IMMP2L: variants seen among roughly 807,000 people sequenced by gnomAD.
IMMP2L encodes the protein mitochondrial inner membrane protease subunit 2.
IMMP2L carries 18 observed loss-of-function variants against 19.3 expected under a neutral mutation model. That is an observed-to-expected ratio of 0.93 (90% CI 0.64 to 1.38). The LOEUF is 1.38. Ranked by LOEUF, IMMP2L falls within the 40% of genes most tolerant of loss-of-function variation. The pLI is 0.00. For synonymous variants in IMMP2L, 76 were observed against 73.0 expected (o/e 1.04, Z -0.21); for missense variants, 233 against 218.2 (o/e 1.07, Z -0.43).
intron 5 of IMMP2L, among the ~76,000 whole-genome samples, chr7:110,854,628 T>G (rs927289552): frequency 2.0e-5 from 3 of 152,016 alleles, no homozygotes; most frequent in Admixed American, 1.3e-4. Context: ...ATAATTGATA[T>G]GTGAGTACAC....
chr7:111,117,179 T>G (rs1294176355), intron 3 of IMMP2L, among the ~76,000 whole-genome samples: 1 of 152,130 alleles, frequency 6.6e-6, no homozygotes, highest in Non-Finnish European at 1.5e-5. Flanking sequence ...TATAAACTTG[T>G]AATCAATTAA....
At chr7:110,914,046 G>T (rs894017534) in intron 4 of IMMP2L, among the ~76,000 whole-genome samples, 3 of 152,110 alleles carry the variant, frequency 2.0e-5, no homozygotes, top group Non-Finnish European at 4.4e-5. Flanking sequence ...CCAGCAAAAT[G>T]TCTTGAGCAC....
intron 3 of IMMP2L, among the ~76,000 whole-genome samples, chr7:111,445,858 C>A (rs997753732): frequency 1.3e-5 from 2 of 150,588 alleles, no homozygotes; most frequent in South Asian, 4.2e-4. Flanking sequence ...GCGCACCGTG[C>A]GTGAGCCGAA....
At chr7:111,242,740 C>G (rs1004993051) in intron 3 of IMMP2L, among the ~76,000 whole-genome samples, 1 of 151,840 alleles carries the variant, frequency 6.6e-6, no homozygotes, top group Non-Finnish European at 1.5e-5. Context: ...AAGCCTATGG[C>G]ACAACTAGAT....
At chr7:111,204,858 A>G (rs1054379821) in intron 3 of IMMP2L, among the ~76,000 whole-genome samples, 1 of 152,194 alleles carries the variant, frequency 6.6e-6, no homozygotes, top group African/African-American at 2.4e-5. Flanking sequence ...CATTGTTGGG[A>G]GTATATTGGG....
At chr7:110,679,130 G>C (rs754881511) in intron 5 of IMMP2L, among the ~76,000 whole-genome samples, 2 of 152,010 alleles carry the variant, frequency 1.3e-5, no homozygotes, top group Non-Finnish European at 2.9e-5. Flanking sequence ...GACACCCTCA[G>C]TAAGTTCAAC....
At chr7:111,229,859 A>C (rs1813532179) in intron 3 of IMMP2L, among the ~76,000 whole-genome samples, 1 of 152,004 alleles carries the variant, frequency 6.6e-6, no homozygotes, top group Non-Finnish European at 1.5e-5. Flanking sequence ...GTTACATTGG[A>C]GAAATGCTCA....
intron 3 of IMMP2L, among the ~76,000 whole-genome samples, chr7:111,089,393 T>C (rs915604183): frequency 6.6e-6 from 1 of 152,098 alleles, no homozygotes; most frequent in Non-Finnish European, 1.5e-5. Flanking sequence ...TAAGATACCA[T>C]GGCATAAATA....
At chr7:110,811,821 T>A (rs1213922691) in intron 5 of IMMP2L, among the ~76,000 whole-genome samples, 1 of 151,994 alleles carries the variant, frequency 6.6e-6, no homozygotes, top group Non-Finnish European at 1.5e-5. Context: ...TAGTTGTTAG[T>A]CCATGCAGTT....
At chr7:110,700,523 A>G (rs996005498) in intron 5 of IMMP2L, among the ~76,000 whole-genome samples, 1 of 152,194 alleles carries the variant, frequency 6.6e-6, no homozygotes. Flanking sequence ...ACCAGTAGTC[A>G]GATATTACCC....
At chr7:111,459,931 A>C (rs1167658730) in intron 3 of IMMP2L, among the ~76,000 whole-genome samples, 2 of 152,176 alleles carry the variant, frequency 1.3e-5, no homozygotes, top group Non-Finnish European at 2.9e-5. Context: ...TTTGAAATGA[A>C]GCTGACTTGG....
intron 5 of IMMP2L, among the ~76,000 whole-genome samples, chr7:110,843,537 G>T (rs1403874617): frequency 6.6e-6 from 1 of 152,040 alleles, no homozygotes; most frequent in Non-Finnish European, 1.5e-5. Flanking sequence ...TTATATTATT[G>T]GGTAAATATG....
chr7:110,735,681 TACACACACACACACACAC>T (rs3051068), intron 5 of IMMP2L, among the ~76,000 whole-genome samples: 1 of 114,812 alleles, frequency 8.7e-6, no homozygotes, highest in Non-Finnish European at 1.7e-5. Flanking sequence ...AGTAGACAAA[TACACACACACACACACAC>T]ACACACACAC....
chr7:111,113,410 TCATGTCCTCC>T (rs1799476083), intron 3 of IMMP2L, among the ~76,000 whole-genome samples: 2 of 152,088 alleles, frequency 1.3e-5, no homozygotes, highest in Admixed American at 6.5e-5. Flanking sequence ...TACATGTCTA[TCATGTCCTCC>T]CATGTATAAG....
At chr7:111,417,718 A>G (rs866827159) in intron 3 of IMMP2L, among the ~76,000 whole-genome samples, 9 of 152,088 alleles carry the variant, frequency 5.9e-5, no homozygotes, top group Middle Eastern at 3.4e-3. Flanking sequence ...GACATGAAAT[A>G]GAATAAGCAG....
At position 111,439,626 on chromosome 7, in the gene IMMP2L, T is replaced by A. The variant is rs546728928; in HGVS notation, c.239+47612A>T. ...CATCTGAGCCTTTGGCAAGTTGTAA[T>A]CTTTTAGCTGTGGAAGTGTCTTGCC... On this transcript the variant is annotated intron_variant, in intron 3 of 5. Transcript: ENST00000405709. Among the ~76,000 whole-genome samples, 6 of 152,084 alleles carry A rather than the reference T, an allele frequency of 3.9e-5. No individual in the cohort carries two copies. The South Asian group carries it at 1.0e-3, about 26-fold the overall frequency.
intron 5 of IMMP2L, among the ~76,000 whole-genome samples, chr7:110,688,925 T>G (rs977381408): frequency 6.7e-6 from 1 of 149,468 alleles, no homozygotes; most frequent in Non-Finnish European, 1.5e-5. Flanking sequence ...AAAAGAGGTC[T>G]GAAAAGATGT....
chr7:111,135,475 G>A (rs1247901614), intron 3 of IMMP2L, among the ~76,000 whole-genome samples: 1 of 152,020 alleles, frequency 6.6e-6, no homozygotes. Flanking sequence ...TAGAAGTGAT[G>A]GGCCTTATCA....
chr7:110,915,963 G>A (rs1196457152), intron 4 of IMMP2L, among the ~76,000 whole-genome samples: 1 of 152,068 alleles, frequency 6.6e-6, no homozygotes, highest in Non-Finnish European at 1.5e-5. Flanking sequence ...GCATTTCTTA[G>A]CCAGTGTAAG....
Sources: gnomAD v4.1 joint callset for allele counts (sites outside exome capture counted in the v4.1 genomes callset) on GRCh38, gnomAD v4.1.1 for gene constraint, MANE v1.5 for transcripts, NCBI Gene and HGNC (gene_info 2026-07-23, HGNC 2026-07-21) for gene names.